Variants in OR52N4 observed in about 807,000 individuals in gnomAD.
The protein encoded by OR52N4 is olfactory receptor family 52 subfamily N member 4.
Under a neutral mutation model 15.0 loss-of-function variants are expected in OR52N4, and 15 were observed. That is an observed-to-expected ratio of 1.00 (90% CI 0.67 to 1.54). OR52N4 has a LOEUF of 1.54. Ranked by LOEUF, OR52N4 falls within the 40% of genes most tolerant of loss-of-function variation. OR52N4 has a pLI of 0.00. For synonymous variants in OR52N4, 143 were observed against 143.7 expected, an observed-to-expected ratio of 1.00 and a Z score of 0.03; for missense variants, 421 against 394.0, an observed-to-expected ratio of 1.07 and a Z score of -0.58.
chr11:5,734,519 G>C, the OR52N4 span, among the ~76,000 whole-genome samples: 1 of 152,010 alleles, frequency 6.6e-6, no homozygotes, highest in African/African-American at 2.4e-5. Context: ...TTATATAGCA[G>C]AATCGTATTC....
chr11:5,740,679 T>C, the OR52N4 span, among the ~76,000 whole-genome samples: 1 of 125,460 alleles, frequency 8.0e-6, no homozygotes, highest in African/African-American at 2.9e-5. Context: ...TGGTGGCGCG[T>C]GCCTATAGTT....
At chr11:5,729,114 A>ATTTTTTTTTT in the OR52N4 span, among the ~76,000 whole-genome samples, 7 of 82,918 alleles carry the variant, frequency 8.4e-5, 1 homozygote, top group Non-Finnish European at 8.8e-5. Context: ...TTAAATTGAG[A>ATTTTTTTTTT]TTTTTTTTTT....
At chr11:5,736,487 C>G in the OR52N4 span, 1 of 1,605,902 alleles carries the variant, frequency 6.2e-7, no homozygotes. Flanking sequence ...GAGAACAATA[C>G]AAATAGAGAT....
chr11:5,746,393 G>A, the OR52N4 span, among the ~76,000 whole-genome samples: 65 of 152,184 alleles, frequency 4.3e-4, no homozygotes, highest in Non-Finnish European at 6.5e-4. Context: ...TATTGGCAAA[G>A]TATGCATCTA....
chr11:5,742,527 C>G, the OR52N4 span, among the ~76,000 whole-genome samples: 1 of 152,152 alleles, frequency 6.6e-6, no homozygotes, highest in Non-Finnish European at 1.5e-5. Context: ...AAGTACTCCT[C>G]AACAGAAATC....
the OR52N4 span, among the ~76,000 whole-genome samples, chr11:5,742,939 T>C: frequency 2.0e-5 from 3 of 152,094 alleles, no homozygotes; most frequent in African/African-American, 7.2e-5. Flanking sequence ...ACTTAAAACA[T>C]ATAAACTGAG....
the OR52N4 span, among the ~76,000 whole-genome samples, chr11:5,731,962 T>C: frequency 6.6e-6 from 1 of 152,236 alleles, no homozygotes; most frequent in Non-Finnish European, 1.5e-5. Context: ...TATTGTGATA[T>C]ATGTATACTT....
the OR52N4 span, among the ~76,000 whole-genome samples, chr11:5,743,373 C>A: frequency 6.6e-6 from 1 of 152,088 alleles, no homozygotes; most frequent in Non-Finnish European, 1.5e-5. Context: ...TTAAATTGCC[C>A]TCTAGATTAA....
the OR52N4 span, among the ~76,000 whole-genome samples, chr11:5,729,311 G>T: frequency 6.6e-6 from 1 of 151,430 alleles, no homozygotes; most frequent in Non-Finnish European, 1.5e-5. Flanking sequence ...TAGTAGAGAC[G>T]GGGTTTCACC....
rs750203365 is a variant in OR52N4 at position 5,755,595 on chromosome 11, C to G, written c.855C>G (p.Leu285=). Residue 285 remains leucine, a synonymous_variant, in exon 2 of 2, where the codon CTC becomes CTG. Transcript: ENST00000641350. The part of the protein sequence containing the change: ...CHIIVANIYL[L]LPPTMNPIVY... ...TCATTGTAGCCAATATTTATCTGCTCCTACCACCCACTATGAACCCTATTG... is the reference window on the plus strand; with the variant it reads ...TCATTGTAGCCAATATTTATCTGCTGCTACCACCCACTATGAACCCTATTG... The G allele has an allele frequency of 5.0e-6, 8 of 1,613,906 alleles. No individual in the cohort carries two copies. The South Asian group carries it at 8.8e-5, about 18-fold the overall frequency.
At chr11:5,737,467 C>G in the OR52N4 span, 1 of 1,611,824 alleles carries the variant, frequency 6.2e-7, no homozygotes, top group East Asian at 2.2e-5. Flanking sequence ...TGCTGTTTGC[C>G]CTTACAAAAG....
At position 5,754,808 on chromosome 11, in the gene OR52N4, A is replaced by G; in HGVS notation, c.68A>G (p.Glu23Gly). The G allele has an allele frequency of 6.2e-7, 1 of 1,613,716 alleles. No homozygotes were observed. Among genetic ancestry groups the G allele is most frequent in the Non-Finnish European group, 8.5e-7 (1 of 1,179,742 alleles). Residue 23 changes from glutamate (E) to glycine (G), a missense_variant, in exon 2 of 2, where the codon GAA becomes GGA. Physicochemically the swap from Glu to Gly is moderately conservative, Grantham distance 98. Coordinates refer to ENST00000641350, the MANE Select transcript of OR52N4 (RefSeq NM_001005175.5). ...SFILNGVPGL[E>G]DTQLWISFPF... ...ATTCTGAATGGAGTCCCAGGACTGG[A>G]AGACACACAACTCTGGATTTCCTTC...
upstream of OR52N4, among the ~76,000 whole-genome samples, chr11:5,751,896 A>T (rs910071967): frequency 2.0e-5 from 3 of 152,106 alleles, no homozygotes; most frequent in African/African-American, 7.2e-5. Context: ...CATTATCTTA[A>T]AATAATTTAA....
upstream of OR52N4, chr11:5,754,213 G>T (rs1370954795): frequency 1.3e-5 from 2 of 151,972 alleles, no homozygotes; most frequent in South Asian, 2.1e-4. Context: ...AAAATTCTTT[G>T]AACAGTGCCT....
upstream of OR52N4, among the ~76,000 whole-genome samples, chr11:5,751,154 G>C (rs1854182702): frequency 6.6e-6 from 1 of 151,770 alleles, no homozygotes; most frequent in Admixed American, 6.6e-5. Context: ...TCTAGTATTA[G>C]TATATCCTAA....
chr11:5,750,168 T>C (rs1203824941), upstream of OR52N4, among the ~76,000 whole-genome samples: 2 of 151,978 alleles, frequency 1.3e-5, no homozygotes, highest in African/African-American at 4.8e-5. Context: ...CAAATTATTC[T>C]ATTTTCGGTT....
the OR52N4 span, among the ~76,000 whole-genome samples, chr11:5,742,144 G>A: frequency 6.7e-6 from 1 of 150,130 alleles, no homozygotes; most frequent in Non-Finnish European, 1.5e-5. Context: ...AAGAAAGAGA[G>A]GAAGAAAGAA....
Position 5,755,772 on chromosome 11 carries a change from T to G in OR52N4, c.*66T>G. On this transcript the variant is annotated 3_prime_UTR_variant, in exon 2 of 2. Coordinates refer to ENST00000641350, the MANE Select transcript of OR52N4 (RefSeq NM_001005175.5). ...CTTCTATTTGCCTCTTATGCAGGAG[T>G]TCATAAAATCTTTCTGGAAGCACTG... is the stretch of plus-strand genomic sequence containing the variant. 1 of 1,540,268 alleles carries G rather than the reference T, an allele frequency of 6.5e-7. No homozygotes were observed. Among genetic ancestry groups the G allele is most frequent in the Non-Finnish European group, 8.7e-7 (1 of 1,145,956 alleles).
upstream of OR52N4, among the ~76,000 whole-genome samples, chr11:5,749,271 G>T (rs2134209951): frequency 6.6e-6 from 1 of 152,096 alleles, no homozygotes; most frequent in Non-Finnish European, 1.5e-5. Flanking sequence ...TCTGTAGTCA[G>T]CAAGATAAAG....
Sources: allele counts gnomAD v4.1 joint callset (sites outside exome capture counted in the v4.1 genomes callset), GRCh38; gene constraint gnomAD v4.1.1; transcripts MANE v1.5; gene names NCBI Gene and HGNC (gene_info 2026-07-23, HGNC 2026-07-21).